MAPT: variants seen among roughly 807,000 people sequenced by gnomAD.
MAPT encodes the protein microtubule-associated protein tau.
Under a neutral mutation model 67.9 loss-of-function variants are expected in MAPT, and 34 were observed. That is an observed-to-expected ratio of 0.50 (90% CI 0.38 to 0.67). The LOEUF (loss-of-function observed/expected upper bound fraction) is 0.67, where lower values mean the gene tolerates loss of function less well. MAPT is among the 30% of genes least tolerant of loss of function. The probability of loss-of-function intolerance (pLI) is 0.00; values close to 1 mark genes in which losing one functional copy is unlikely to be tolerated. For missense variants in MAPT, 881 were observed against 1,115.2 expected (o/e 0.79, Z 2.99); for synonymous variants, 456 against 464.5 (o/e 0.98, Z 0.23).
intron 1 of MAPT, among the ~76,000 whole-genome samples, chr17:45,902,491 C>A (rs2143811127): frequency 6.6e-6 from 1 of 152,336 alleles, no homozygotes; most frequent in African/African-American, 2.4e-5. Flanking sequence ...GTCCTGACTG[C>A]AGATCAGGCT....
intron 2 of MAPT, among the ~76,000 whole-genome samples, chr17:45,970,083 CCCATCCAT>C (rs137876410): frequency 3.4e-5 from 5 of 145,110 alleles, no homozygotes; most frequent in East Asian, 2.1e-4. Context: ...CATCTATCCA[CCCATCCAT>C]CCATCCATCC....
chr17:45,986,644 C>G (rs1222465685), intron 5 of MAPT, among the ~76,000 whole-genome samples: 1 of 152,216 alleles, frequency 6.6e-6, no homozygotes, highest in African/African-American at 2.4e-5. Flanking sequence ...AACACCCATC[C>G]ATGGAGTGGG....
chr17:45,940,992 T>C (rs553231987), intron 1 of MAPT, among the ~76,000 whole-genome samples: 3 of 152,234 alleles, frequency 2.0e-5, no homozygotes, highest in East Asian at 1.9e-4. Flanking sequence ...CAAAGCCAGA[T>C]TGGCAAGCAG....
At chr17:45,993,436 C>T (rs563044140) in intron 8 of MAPT, among the ~76,000 whole-genome samples, 113 of 151,976 alleles carry the variant, frequency 7.4e-4, no homozygotes, top group Non-Finnish European at 8.8e-5. Context: ...TTTTTTGAGA[C>T]GGAGTCTCAC....
chr17:45,964,487 C>T (rs1440628921), intron 2 of MAPT, among the ~76,000 whole-genome samples: 1 of 151,572 alleles, frequency 6.6e-6, no homozygotes, highest in Non-Finnish European at 1.5e-5. Context: ...CCAGACCAGC[C>T]TGGGCAACAT....
Position 46,028,169 on chromosome 17 carries a change from TG to T in MAPT, c.*3999del, listed in dbSNP as rs1224234816. On this transcript the variant is annotated 3_prime_UTR_variant, in exon 13 of 13. Coordinates refer to ENST00000262410, the MANE Select transcript of MAPT (RefSeq NM_001377265.1). Reference sequence around the variant, plus strand: ...CTATTTCTGGCACTTGCAAGTCCCATGATTTCTTCGGTAATTCTGAGGGTGG... The same window carrying T: ...CTATTTCTGGCACTTGCAAGTCCCATATTTCTTCGGTAATTCTGAGGGTGG... 8.1e-6 allele frequency: 1 copy of T among 123,984 alleles called. No homozygotes were observed. The highest frequency in any genetic ancestry group is 1.6e-5 in the Non-Finnish European group (1 of 62,136). The allele number at this position is 123,984 out of a possible 1,614,324, so 7.7% of individuals were successfully genotyped here.
In MAPT at chr17:46,010,280, G is replaced by A; in HGVS notation, c.1999-30G>A. ...CAAGCAGGCGGGTCCAGGGTGGCGT[G>A]TCACTCATCCTTTTTTCTGGCTACC... On this transcript the variant is annotated intron_variant, in intron 9 of 12. Transcript: ENST00000262410. The surrounding 1 kb of genome is among the most constrained non-coding windows in gnomAD (Gnocchi z 4.7). 1 of 1,481,200 alleles carries A rather than the reference G, an allele frequency of 6.8e-7. No homozygotes were observed. The allele number at this position is 1,481,200 out of a possible 1,614,324, so 91.8% of individuals were successfully genotyped here.
At chr17:45,987,247 T>C (rs2073642469) in intron 6 of MAPT, 152 bp downstream of exon 6, 2 of 770,156 alleles carry the variant, frequency 2.6e-6, no homozygotes, top group African/African-American at 1.8e-5. Flanking sequence ...GGGCAGGCTT[T>C]TAAAAAGTCC....
intron 4 of MAPT, chr17:45,979,784 C>G (rs2072758676): frequency 6.6e-6 from 1 of 152,122 alleles, no homozygotes; most frequent in South Asian, 2.1e-4. Flanking sequence ...TGAGTTTTTT[C>G]TACTGATTGT....
At chr17:45,914,204 T>C (rs571979299) in intron 1 of MAPT, among the ~76,000 whole-genome samples, 1 of 99,410 alleles carries the variant, frequency 1.0e-5, no homozygotes, top group African/African-American at 3.0e-5. Context: ...CTCAGGGATC[T>C]GAGGGTGTGG....
intron 5 of MAPT, among the ~76,000 whole-genome samples, 176 bp from the exon 6 acceptor site, chr17:45,986,864 A>G (rs1244245515): frequency 6.6e-6 from 1 of 152,176 alleles, no homozygotes; most frequent in Non-Finnish European, 1.5e-5. Flanking sequence ...TGCTGTGTTG[A>G]TACTAACAAT....
In MAPT at chr17:45,995,803, G is replaced by GTGC. The variant is rs771559269; in HGVS notation, c.1733-593_1733-591dup. The stretch of plus-strand genomic sequence containing the variant: ...GGCCAAATCCCACAGAGGAGCCAGG[G>GTGC]TGCTGGCAGGAGCCCTGAACTAGCC... On this transcript the variant is annotated intron_variant, in intron 8 of 12. Transcript: ENST00000262410. The surrounding 1 kb of genome is among the most constrained non-coding windows in gnomAD (Gnocchi z 4.3). Among the ~76,000 whole-genome samples, 3 of 152,230 alleles carry GTGC rather than the reference G, an allele frequency of 2.0e-5. No individual in the cohort carries two copies. The highest frequency in any genetic ancestry group is 4.4e-5 in the Non-Finnish European group (3 of 68,046).
rs759206337 is a variant in MAPT, at chr17:46,010,396, C to T, written c.2085C>T (p.Gly695=). 4.5e-6 allele frequency: 7 copies of T among 1,570,734 alleles called. No individual in the cohort carries two copies. The highest frequency in any genetic ancestry group is 1.9e-5 in the Admixed American group (1 of 53,448). The change falls in exon 10 of 13, where the codon GGC becomes GGT. Residue 695 remains glycine, a synonymous_variant. Transcript: ENST00000262410. This position sits in a 1 kb window ranked among gnomAD's most constrained non-coding sequence, Gnocchi z 4.7. ...ATAATATCAAACACGTCCCGGGAGG[C>T]GGCAGTGTGAGTACCTTCACACGTC... is the stretch of plus-strand genomic sequence containing the variant. ...SKDNIKHVPG[G]GSVQIVYKPV...
chr17:45,946,563 C>T lies in MAPT; in HGVS notation c.-17-15758C>T, dbSNP rs555667775. On this transcript the variant is annotated intron_variant, in intron 1 of 12. Coordinates refer to ENST00000262410, the MANE Select transcript of MAPT (RefSeq NM_001377265.1). ...GCAGTGAGCCGAGATGGCACCACCA[C>T]ACTCCAGCCTGGGCGACCGAGGGGG... is the stretch of plus-strand genomic sequence containing the variant. 2.9e-5 allele frequency among the ~76,000 whole-genome samples: 4 copies of T among 140,268 alleles called. No homozygotes were observed. In the East Asian group the frequency reaches 8.2e-4, roughly 29 times the overall value. The allele number at this position is 140,268 out of a possible 152,430, so 92.0% of individuals were successfully genotyped here.
At chr17:45,938,904 C>G (rs2067607512) in intron 1 of MAPT, among the ~76,000 whole-genome samples, 1 of 151,588 alleles carries the variant, frequency 6.6e-6, no homozygotes, top group Non-Finnish European at 1.5e-5. Flanking sequence ...ACCTCCGCCT[C>G]CTGGGTTCAA....
At chr17:45,908,298 C>T (rs1405702927) in intron 1 of MAPT, 1 of 152,200 alleles carries the variant, frequency 6.6e-6, no homozygotes, top group Non-Finnish European at 1.5e-5. Flanking sequence ...CGGAGGGGTC[C>T]ATGTGGCTAG....
chr17:45,903,838 A>ATTTTTATATATTATATATTATATAT (rs66789589), intron 1 of MAPT, among the ~76,000 whole-genome samples: 1 of 52,986 alleles, frequency 1.9e-5, no homozygotes, highest in Non-Finnish European at 3.6e-5. Context: ...TATATTATAT[A>ATTTTTATATATTATATATTATATAT]TTTTATATAT....
chr17:45,903,959 TTATATATTATATATTATATA>T (rs2063892501), intron 1 of MAPT, among the ~76,000 whole-genome samples: 1 of 18,534 alleles, frequency 5.4e-5, no homozygotes, highest in African/African-American at 1.9e-4. Context: ...ATATTATATA[TTATATATTATATATTATATA>T]TTATATATTT....
At chr17:45,958,155 A>G (rs1461430730) in intron 1 of MAPT, among the ~76,000 whole-genome samples, 1 of 152,218 alleles carries the variant, frequency 6.6e-6, no homozygotes, top group African/African-American at 2.4e-5. Flanking sequence ...CAGATGAATT[A>G]ATAAATATAA....
Sources: allele counts gnomAD v4.1 joint callset (sites outside exome capture counted in the v4.1 genomes callset), GRCh38; gene constraint gnomAD v4.1.1; non-coding constraint Gnocchi (gnomAD v3.1); transcripts MANE v1.5; gene names NCBI Gene and HGNC (gene_info 2026-07-23, HGNC 2026-07-21).